Variants in MAD1L1 observed in about 807,000 individuals in gnomAD.
MAD1L1 encodes the protein mitotic arrest deficient 1 like 1.
In MAD1L1, 95 loss-of-function variants were observed where a neutral mutation model predicts 96.9. The observed-to-expected ratio is 0.98, with a 90% CI of 0.83 to 1.16. The LOEUF is 1.16. Among genes scored for constraint, MAD1L1 ranks in the 50% most tolerant of loss-of-function variants. MAD1L1 has a pLI of 0.00. For missense variants in MAD1L1, 1,007 were observed against 954.4 expected (o/e 1.06, Z -0.73); for synonymous variants, 473 against 396.6 (o/e 1.19, Z -2.29).
intron 18 of MAD1L1, among the ~76,000 whole-genome samples, chr7:1,871,892 C>T (rs778147902): frequency 3.9e-5 from 6 of 152,176 alleles, no homozygotes; most frequent in Admixed American, 6.5e-5. Flanking sequence ...AGGGTCCCCA[C>T]ACTTGGGGGT....
rs533467361 is a variant in MAD1L1 at position 2,135,388 on chromosome 7, G to A, written c.1073+13764C>T. On this transcript the variant is annotated intron_variant, in intron 11 of 18. Coordinates refer to ENST00000265854, the MANE Select transcript of MAD1L1 (RefSeq NM_001013836.2). ...ACAATGCCATTCCTCTCACTGTCTC[G>A]TTTTGTGTTAGAAAATGCATTTTTC... Among the ~76,000 whole-genome samples the A allele has an allele frequency of 2.6e-5, 4 of 152,282 alleles. No homozygotes were observed. The South Asian group carries it at 8.3e-4, about 32-fold the overall frequency.
chr7:2,221,630 G>A (rs962327547), intron 5 of MAD1L1, among the ~76,000 whole-genome samples: 16 of 152,276 alleles, frequency 1.1e-4, no homozygotes, highest in African/African-American at 3.6e-4. Context: ...CCATGTCTGG[G>A]CTGTTTCTAA....
chr7:1,830,049 C>A (rs1334824733), intron 18 of MAD1L1, among the ~76,000 whole-genome samples: 1 of 152,118 alleles, frequency 6.6e-6, no homozygotes, highest in Admixed American at 6.5e-5. Context: ...ATTCACACTG[C>A]AAGAATATTA....
intron 17 of MAD1L1, among the ~76,000 whole-genome samples, chr7:1,934,087 T>G (rs1271854307): frequency 6.6e-6 from 1 of 152,224 alleles, no homozygotes; most frequent in Non-Finnish European, 1.5e-5. Context: ...CTGTGATTTT[T>G]GGGGGCACAG....
At chr7:2,115,527 C>G (rs889938301) in intron 11 of MAD1L1, among the ~76,000 whole-genome samples, 1 of 150,416 alleles carries the variant, frequency 6.6e-6, no homozygotes, top group East Asian at 2.0e-4. Context: ...AGGGTCCCCG[C>G]ATGTTCCGGG....
At chr7:1,854,825 G>A (rs1784162311) in intron 18 of MAD1L1, among the ~76,000 whole-genome samples, 2 of 152,352 alleles carry the variant, frequency 1.3e-5, no homozygotes, top group African/African-American at 2.4e-5. Flanking sequence ...AGGACAGGAG[G>A]GGACGGACGC....
chr7:1,995,045 C>T (rs1006987017), intron 14 of MAD1L1, among the ~76,000 whole-genome samples: 3 of 152,222 alleles, frequency 2.0e-5, no homozygotes, highest in African/African-American at 4.8e-5. Flanking sequence ...TAGACAGATG[C>T]GCAGCCACAG....
chr7:1,873,190 T>A (rs768737825), intron 18 of MAD1L1, among the ~76,000 whole-genome samples: 17 of 152,276 alleles, frequency 1.1e-4, no homozygotes, highest in Middle Eastern at 3.4e-3. Flanking sequence ...AGGGGGGCCT[T>A]GACCCCCACC....
At chr7:2,197,855 C>T (rs886746464) in intron 10 of MAD1L1, among the ~76,000 whole-genome samples, 1 of 152,202 alleles carries the variant, frequency 6.6e-6, no homozygotes, top group African/African-American at 2.4e-5. Context: ...ACAGAGTTCA[C>T]AACCCCTCCC....
intron 11 of MAD1L1, among the ~76,000 whole-genome samples, chr7:2,076,726 AG>A (rs1344246719): frequency 6.6e-6 from 1 of 152,026 alleles, no homozygotes; most frequent in Non-Finnish European, 1.5e-5. Flanking sequence ...ACCCTGAGAC[AG>A]GGTTACGACT....
chr7:2,070,862 T>C (rs1432226818), intron 11 of MAD1L1, among the ~76,000 whole-genome samples: 1 of 152,226 alleles, frequency 6.6e-6, no homozygotes, highest in African/African-American at 2.4e-5. Flanking sequence ...TCGGCCTTAG[T>C]TGCATGACTT....
At chr7:1,824,410 G>A (rs558934520) in intron 18 of MAD1L1, among the ~76,000 whole-genome samples, 24 of 152,312 alleles carry the variant, frequency 1.6e-4, no homozygotes, top group Non-Finnish European at 2.8e-4. Context: ...AGTCAGGTGC[G>A]TAAAATCACC....
At chr7:1,985,172 C>T (rs1324892660) in intron 14 of MAD1L1, among the ~76,000 whole-genome samples, 1 of 152,198 alleles carries the variant, frequency 6.6e-6, no homozygotes, top group Non-Finnish European at 1.5e-5. Flanking sequence ...GCATTTGAAT[C>T]GGGGACTCAG....
chr7:2,193,178 C>G (rs909796310), intron 10 of MAD1L1: 1 of 152,450 alleles, frequency 6.6e-6, no homozygotes, highest in Non-Finnish European at 1.5e-5. Flanking sequence ...GGGACTCACA[C>G]GCCCCACAGG....
chr7:2,122,495 G>A (rs549650504), intron 11 of MAD1L1, among the ~76,000 whole-genome samples: 14 of 152,202 alleles, frequency 9.2e-5, no homozygotes, highest in African/African-American at 2.6e-4. Context: ...CCAGCTACTC[G>A]GGAGGCTGAG....
Position 2,188,856 on chromosome 7 carries a change from T to C in MAD1L1, c.986+24356A>G, listed in dbSNP as rs185441513. Among the ~76,000 whole-genome samples, 4 of 152,124 alleles carry C rather than the reference T, an allele frequency of 2.6e-5. No homozygotes were observed. In the East Asian group the frequency reaches 7.7e-4, roughly 29 times the overall value. ...ATGAAATCTTGGTAAATTTTTAAAT[T>C]TTAAATTTGTCAAAGGACACTATCA... is the stretch of plus-strand genomic sequence containing the variant. On this transcript the variant is annotated intron_variant, in intron 10 of 18. Coordinates refer to ENST00000265854, the MANE Select transcript of MAD1L1 (RefSeq NM_001013836.2).
intron 18 of MAD1L1, among the ~76,000 whole-genome samples, chr7:1,856,938 C>CA (rs1784288055): frequency 6.6e-6 from 1 of 152,118 alleles, no homozygotes; most frequent in Non-Finnish European, 1.5e-5. Flanking sequence ...CATGAGCTGC[C>CA]ACACAGCAGC....
At position 2,044,564 on chromosome 7, in the gene MAD1L1, G is replaced by A. The variant is rs542019006; in HGVS notation, c.1218+24630C>T. On this transcript the variant is annotated intron_variant, in intron 12 of 18. Transcript: ENST00000265854. ...ACAATTTCCCAAATGGTTCAGCAGGGCACAGAACCAGCACGGGGGTGCGGC... is the reference window on the plus strand; with the variant it reads ...ACAATTTCCCAAATGGTTCAGCAGGACACAGAACCAGCACGGGGGTGCGGC... 6.6e-5 allele frequency among the ~76,000 whole-genome samples: 10 copies of A among 152,296 alleles called. No individual in the cohort carries two copies. The East Asian group carries it at 1.9e-3, about 29-fold the overall frequency.
At chr7:1,913,588 C>T (rs1044432922) in intron 17 of MAD1L1, among the ~76,000 whole-genome samples, 3 of 152,122 alleles carry the variant, frequency 2.0e-5, no homozygotes, top group African/African-American at 7.2e-5. Context: ...TGGGACCTCG[C>T]AGGGGCTCTG....
Sources: allele counts gnomAD v4.1 joint callset (sites outside exome capture counted in the v4.1 genomes callset), GRCh38; gene constraint gnomAD v4.1.1; transcripts MANE v1.5; gene names NCBI Gene and HGNC (gene_info 2026-07-23, HGNC 2026-07-21).